Variants in GLS2 observed in about 807,000 individuals in gnomAD.
GLS2 encodes the protein glutaminase liver isoform, mitochondrial.
Under a neutral mutation model 79.0 loss-of-function variants are expected in GLS2, and 52 were observed. The observed-to-expected ratio is 0.66, with a 90% confidence interval of 0.53 to 0.83. GLS2 has a LOEUF of 0.83. Among genes scored for constraint, GLS2 ranks in the 40% least tolerant of loss-of-function variants. The probability of loss-of-function intolerance (pLI) is 0.00; values close to 1 mark genes in which losing one functional copy is unlikely to be tolerated. For missense variants in GLS2, 561 were observed against 764.8 expected, an observed-to-expected ratio of 0.73 and a Z score of 3.14; for synonymous variants, 238 against 280.8, an observed-to-expected ratio of 0.85 and a Z score of 1.52.
chr12:56,472,089 C>T, intron 16 of GLS2, 30 bp downstream of exon 16: 1 of 1,606,372 alleles, frequency 6.2e-7, no homozygotes, highest in Non-Finnish European at 8.5e-7. Flanking sequence ...TATGATTACC[C>T]TCCTCCTCCC....
rs750382096 is a variant in GLS2 at position 56,471,841 on chromosome 12, G to A, written c.1589-5C>T. The A allele has an allele frequency of 1.2e-6, 2 of 1,613,740 alleles. No individual in the cohort carries two copies. Among genetic ancestry groups the A allele is most frequent in the South Asian group, 2.2e-5 (2 of 90,982 alleles). On this transcript the variant is annotated splice_polypyrimidine_tract_variant and splice_region_variant and intron_variant, in intron 16 of 17. Coordinates refer to ENST00000311966, the MANE Select transcript of GLS2 (RefSeq NM_013267.4). ...ATTTAACAACTTCGATGTGTCCTAG[G>A]AATATGGGCAGAAGGAAAATGAGAA... is the stretch of plus-strand genomic sequence containing the variant.
intron 9 of GLS2, 159 bp downstream of exon 9, chr12:56,475,461 TAAAC>T: frequency 8.1e-6 from 6 of 737,262 alleles, no homozygotes; most frequent in East Asian, 2.7e-5. Context: ...TTTTACAAGA[TAAAC>T]AAATGTTTAT....
At chr12:56,481,313 C>G (rs1270172865) in intron 1 of GLS2, among the ~76,000 whole-genome samples, 1 of 145,126 alleles carries the variant, frequency 6.9e-6, no homozygotes, top group African/African-American at 2.5e-5. Flanking sequence ...TCAAGCGATT[C>G]TCCTGCCTCA....
chr12:56,472,072 A>C lies in GLS2; in HGVS notation c.1588+47T>G, dbSNP rs151170843. ...TGAAGGTACTTTTGGTGAAAAAGAAAGGGTCTTATGATTACCCTCCTCCTC... is the reference window on the plus strand; with the variant it reads ...TGAAGGTACTTTTGGTGAAAAAGAACGGGTCTTATGATTACCCTCCTCCTC... On this transcript the variant is annotated intron_variant, in intron 16 of 17. Transcript: ENST00000311966. 8.8e-6 allele frequency: 14 copies of C among 1,587,398 alleles called. No homozygotes were observed. The Admixed American group carries it at 1.9e-4, about 21-fold the overall frequency.
At chr12:56,482,638 T>C (rs936456848) in intron 1 of GLS2, among the ~76,000 whole-genome samples, 5 of 152,204 alleles carry the variant, frequency 3.3e-5, no homozygotes, top group Non-Finnish European at 7.3e-5. Context: ...AATTACTAAG[T>C]TGTATTGCTA....
Position 56,481,090 on chromosome 12 carries a change from A to G in GLS2, c.183-703T>C, listed in dbSNP as rs1471033858. Among the ~76,000 whole-genome samples the G allele has an allele frequency of 2.7e-5, 4 of 148,246 alleles. No homozygotes were observed. The East Asian group carries it at 8.0e-4, about 30-fold the overall frequency. ...GTTTATCATCAGCTCCTTATTCCCT[A>G]TTACCTAATTGCCACTACACTCTCT... On this transcript the variant is annotated intron_variant, in intron 1 of 17. Coordinates refer to ENST00000311966, the MANE Select transcript of GLS2 (RefSeq NM_013267.4).
At chr12:56,472,930 CAGGCTGA>C in intron 14 of GLS2, 179 bp from the exon 15 acceptor site, 3 of 547,808 alleles carry the variant, frequency 5.5e-6, no homozygotes, top group Non-Finnish European at 9.3e-6. Flanking sequence ...CTCTGTCGTT[CAGGCTGA>C]AGTGTAGTGG....
chr12:56,475,643 T>C lies in GLS2; in HGVS notation c.910A>G (p.Met304Val), dbSNP rs568280019. The C allele has an allele frequency of 3.3e-5, 53 of 1,614,120 alleles. 1 individual carries two copies. The South Asian group carries it at 5.6e-4, about 17-fold the overall frequency. The change falls in exon 9 of 18, where the codon ATG (methionine) becomes GTG (valine). Residue 304 changes from methionine (M) to valine (V), a missense_variant. Physicochemically the swap from Met to Val is conservative, Grantham distance 21. This residue lies in a region of GLS2 where 221 missense variants were observed against 275.6 expected (regional missense o/e 0.80). Transcript: ENST00000311966. ...YLNKMAGNEY[M>V]GFSNATFQSE... ...ACTTACGTGGCATTGCTGAAACCCA[T>C]GTATTCATTCCCAGCCATTTTGTTG...
chr12:56,475,535 TTCTC>T (rs1035416503), intron 9 of GLS2, 85 bp downstream of exon 9: 55 of 1,359,532 alleles, frequency 4.0e-5, no homozygotes, highest in African/African-American at 3.3e-4. Flanking sequence ...CCTCCTAAGA[TTCTC>T]TCTCCCCCAT....
chr12:56,477,825 G>T, intron 6 of GLS2, 107 bp from the exon 7 acceptor site: 2 of 1,540,762 alleles, frequency 1.3e-6, no homozygotes, highest in South Asian at 1.2e-5. Context: ...AGAAAGGCAT[G>T]ACAGGGCTAA....
At chr12:56,481,449 G>A (rs1240788234) in intron 1 of GLS2, among the ~76,000 whole-genome samples, 16 of 149,340 alleles carry the variant, frequency 1.1e-4, no homozygotes, top group Non-Finnish European at 1.9e-4. Context: ...CTCGTGATCC[G>A]CCTGCCTCAG....
At chr12:56,481,199 C>CTTTTTTT (rs767616017) in intron 1 of GLS2, among the ~76,000 whole-genome samples, 34 of 79,016 alleles carry the variant, frequency 4.3e-4, no homozygotes, top group Non-Finnish European at 6.0e-4. Flanking sequence ...TGCCAGTGAT[C>CTTTTTTT]TTTTTTTTTT....
At chr12:56,486,312 G>A (rs918072505) in intron 1 of GLS2, among the ~76,000 whole-genome samples, 1 of 152,274 alleles carries the variant, frequency 6.6e-6, no homozygotes, top group Non-Finnish European at 1.5e-5. Flanking sequence ...GTGTGTGTGT[G>A]GGGAACCAGG....
Position 56,488,097 on chromosome 12 carries a change from G to A in GLS2, c.22C>T (p.Gln8Ter). 1 of 1,561,392 alleles carries A rather than the reference G, an allele frequency of 6.4e-7. No homozygotes were observed. The change falls in exon 1 of 18, where the codon CAG becomes TAG. Residue 8 changes from glutamine to a stop codon, truncating the protein, a stop_gained. Coordinates refer to ENST00000311966, the MANE Select transcript of GLS2 (RefSeq NM_013267.4). LOFTEE classifies it high-confidence loss of function. MRSMKAL[Q>*]KALSRAGSHC... is the part of the protein sequence containing the mutation. Reference sequence around the variant, plus strand: ...CTGCCAGCCCGGCTCAGGGCCTTCTGCAGAGCCTTCATGGAGCGCATGCCC... The same window carrying A: ...CTGCCAGCCCGGCTCAGGGCCTTCTACAGAGCCTTCATGGAGCGCATGCCC...
chr12:56,473,720 G>T (rs964634913), intron 12 of GLS2, 126 bp from the exon 13 acceptor site: 2 of 1,191,350 alleles, frequency 1.7e-6, no homozygotes, highest in Non-Finnish European at 2.3e-6. Context: ...CAACCTTTTG[G>T]CTTGTTAATT....
chr12:56,475,789 C>A, intron 8 of GLS2, 107 bp from the exon 9 acceptor site: 1 of 1,379,464 alleles, frequency 7.2e-7, no homozygotes, highest in Non-Finnish European at 1.0e-6. Flanking sequence ...AGAGGCTTTC[C>A]TCTCTGAGGC....
chr12:56,481,667 G>T (rs1870309071), intron 1 of GLS2, among the ~76,000 whole-genome samples: 1 of 150,532 alleles, frequency 6.6e-6, no homozygotes, highest in South Asian at 2.1e-4. Context: ...GAGGCAGGCG[G>T]ATCACCTGAG....
chr12:56,480,436 A>G, intron 1 of GLS2, 49 bp from the exon 2 acceptor site: 1 of 1,395,636 alleles, frequency 7.2e-7, no homozygotes, highest in Non-Finnish European at 1.0e-6. Flanking sequence ...GAGAACTGCT[A>G]CCTGCTCCTC....
At chr12:56,487,846 G>T in intron 1 of GLS2, 91 bp downstream of exon 1, 1 of 1,386,250 alleles carries the variant, frequency 7.2e-7, no homozygotes, top group East Asian at 2.5e-5. Flanking sequence ...GGAGATGAGC[G>T]GCGCTGCCTT....
Sources: allele counts gnomAD v4.1 joint callset (sites outside exome capture counted in the v4.1 genomes callset), GRCh38; gene constraint gnomAD v4.1.1; regional missense constraint gnomAD v4.1.1; transcripts MANE v1.5; gene names NCBI Gene and HGNC (gene_info 2026-07-23, HGNC 2026-07-21).